The following THOC5 variants were observed in gnomAD, a reference collection of about 807,000 sequenced individuals.
THOC5 encodes Fms-interacting protein.
Under a neutral mutation model 92.9 loss-of-function variants are expected in THOC5, and 43 were observed. The observed-to-expected ratio is 0.46, with a 90% CI of 0.36 to 0.60. THOC5 has a LOEUF of 0.60. Among genes scored for constraint, THOC5 ranks in the 20% least tolerant of loss-of-function variants. The pLI is 0.00. For missense variants in THOC5, 659 were observed against 849.4 expected, an observed-to-expected ratio of 0.78 and a Z score of 2.79; for synonymous variants, 296 against 320.1, an observed-to-expected ratio of 0.92 and a Z score of 0.80.
chr22:29,536,369 C>G, intron 7 of THOC5: 1 of 448,544 alleles, frequency 2.2e-6, no homozygotes, highest in Non-Finnish European at 4.0e-6. Context: ...TTTACACAGT[C>G]TGAGAAAGTA....
In THOC5 at chr22:29,525,727, A is replaced by G. The variant is rs962444626; in HGVS notation, c.1175+111T>C. 14 of 740,556 alleles carry G rather than the reference A, an allele frequency of 1.9e-5. No individual in the cohort carries two copies. In the African/African-American group the frequency reaches 2.3e-4, roughly 12 times the overall value. The allele number at this position is 740,556 out of a possible 1,614,324, so 45.9% of individuals were successfully genotyped here. ...CCATCTGGATACAAGACAAGTCAACACAGCCGTAGCCCTCTCCAGAGCCAG... is the reference window on the plus strand; with the variant it reads ...CCATCTGGATACAAGACAAGTCAACGCAGCCGTAGCCCTCTCCAGAGCCAG... On this transcript the variant is annotated intron_variant, in intron 12 of 19. Coordinates refer to ENST00000490103, the MANE Select transcript of THOC5 (RefSeq NM_003678.5).
At chr22:29,527,450 A>G (rs1368980717) in intron 11 of THOC5, among the ~76,000 whole-genome samples, 1 of 151,856 alleles carries the variant, frequency 6.6e-6, no homozygotes, top group Non-Finnish European at 1.5e-5. Context: ...AACAACCAGC[A>G]AAAAGAAAAC....
chr22:29,545,963 G>A (rs370020166), intron 2 of THOC5, among the ~76,000 whole-genome samples: 6 of 152,238 alleles, frequency 3.9e-5, no homozygotes, highest in East Asian at 1.9e-4. Context: ...CTCCATGAGC[G>A]CGCCAGCAGC....
At chr22:29,512,193 T>C (rs1248334558) in intron 17 of THOC5, 57 bp from the exon 18 acceptor site, 8 of 1,443,006 alleles carry the variant, frequency 5.5e-6, no homozygotes, top group African/African-American at 1.4e-5. Context: ...TTGCCAGCCA[T>C]GGCAGCCTCC....
intron 17 of THOC5, among the ~76,000 whole-genome samples, chr22:29,514,261 T>A (rs1247496524): frequency 6.6e-6 from 1 of 152,034 alleles, no homozygotes; most frequent in East Asian, 1.9e-4. Flanking sequence ...CACCAATTTT[T>A]AAATTCACAC....
rs1023574838 is a variant in THOC5 at position 29,506,761 on chromosome 22, G to A, written c.*1696C>T. 1 of 152,186 alleles carries A rather than the reference G, an allele frequency of 6.6e-6. No homozygotes were observed. The highest frequency in any genetic ancestry group is 2.4e-5 in the African/African-American group (1 of 41,426). The allele number at this position is 152,186 out of a possible 1,614,324, so 9.4% of individuals were successfully genotyped here. A position where few individuals can be genotyped will look rare whatever the true frequency, so the allele number is the denominator to read the frequency against. On this transcript the variant is annotated 3_prime_UTR_variant, in exon 20 of 20. Coordinates refer to ENST00000490103, the MANE Select transcript of THOC5 (RefSeq NM_003678.5). ...TGATTGATTCTCCAACACCACTCTC[G>A]CCATCTCCATGAAATCCTGTAAGAC... is the stretch of plus-strand genomic sequence containing the variant.
chr22:29,522,166 C>T (rs576202555), intron 12 of THOC5, among the ~76,000 whole-genome samples: 421 of 147,516 alleles, frequency 2.9e-3, no homozygotes, highest in African/African-American at 0.01. Context: ...CTGGCTAACA[C>T]GGTGAAACCC....
At chr22:29,516,121 C>T (rs1228657704) in intron 17 of THOC5, among the ~76,000 whole-genome samples, 4 of 137,166 alleles carry the variant, frequency 2.9e-5, no homozygotes, top group African/African-American at 5.6e-5. Flanking sequence ...CCAGCCTGGG[C>T]GACAAAGCAA....
chr22:29,527,955 G>C, intron 11 of THOC5, 123 bp downstream of exon 11: 1 of 827,142 alleles, frequency 1.2e-6, no homozygotes, highest in Non-Finnish European at 1.9e-6. Flanking sequence ...GAAAAACAAA[G>C]CAATATGAAA....
intron 19 of THOC5, among the ~76,000 whole-genome samples, chr22:29,509,582 G>C (rs2063185286): frequency 6.6e-6 from 1 of 152,238 alleles, no homozygotes; most frequent in South Asian, 2.1e-4. Context: ...TGCTGGGACT[G>C]CTTCTAGGGG....
rs1331980162 is a variant in THOC5, at chr22:29,520,520, G to T, written c.1278-416C>A. On this transcript the variant is annotated intron_variant, in intron 13 of 19. Transcript: ENST00000490103. ...CTTTTTGTTTTTGTTTTGAGACAGG[G>T]TCTGGCTCTGTTGCCCCCAGGCTGG... 5.9e-5 allele frequency among the ~76,000 whole-genome samples: 9 copies of T among 152,158 alleles called. No homozygotes were observed. In the South Asian group the frequency reaches 1.9e-3, roughly 32 times the overall value.
At chr22:29,542,763 C>CAA (rs370064947) in intron 5 of THOC5, 96 bp downstream of exon 5, 492 of 645,396 alleles carry the variant, frequency 7.6e-4, no homozygotes, top group Middle Eastern at 1.1e-3. Context: ...GACTCCGTCT[C>CAA]AAAAAAAAAA....
intron 19 of THOC5, among the ~76,000 whole-genome samples, chr22:29,510,291 C>A (rs777069977): frequency 5.1e-4 from 78 of 152,142 alleles, no homozygotes; most frequent in Admixed American, 1.7e-3. Context: ...ATTACTTTCA[C>A]CATTTCTGTC....
At position 29,525,829 on chromosome 22, in the gene THOC5, G is replaced by A; in HGVS notation, c.1175+9C>T. 1 of 1,611,062 alleles carries A rather than the reference G, an allele frequency of 6.2e-7. No individual in the cohort carries two copies. Among genetic ancestry groups the A allele is most frequent in the Non-Finnish European group, 8.5e-7 (1 of 1,177,714 alleles). On this transcript the variant is annotated intron_variant, in intron 12 of 19. Transcript: ENST00000490103. The stretch of plus-strand genomic sequence containing the variant: ...CCGCACGTCATTGCCCAGAGCGCCT[G>A]CTCAATACCCTGCACTGATGGGGGT...
In THOC5 at chr22:29,521,096, G is replaced by T; in HGVS notation, c.1179C>A (p.Asp393Glu). Residue 393 changes from aspartate (D) to glutamate (E), a missense_variant, in exon 13 of 20, where the codon GAC (aspartate) becomes GAA (glutamate). By Grantham distance (45) the Asp-to-Glu change is conservative. Transcript: ENST00000490103. ...TCAGGACTGAGTCAGGAGACAGCAA[G>T]TCACTAGAAAAGGAAAAACAGTAAG... ...MELITPISAG[D>E]LLSPDSVLSC... 1 of 1,612,426 alleles carries T rather than the reference G, an allele frequency of 6.2e-7. No homozygotes were observed. Among genetic ancestry groups the T allele is most frequent in the Middle Eastern group, 1.7e-4 (1 of 6,058 alleles).
chr22:29,526,203 T>C lies in THOC5; in HGVS notation c.1067-257A>G, dbSNP rs867921360. Among the ~76,000 whole-genome samples, 11 of 152,256 alleles carry C rather than the reference T, an allele frequency of 7.2e-5. No individual in the cohort carries two copies. In the South Asian group the frequency reaches 2.1e-3, roughly 29 times the overall value. The stretch of plus-strand genomic sequence containing the variant: ...TAACAAAAAAAGAAAAACAGAATTA[T>C]AGAAAAATTCAGAGACTTTTACAAT... On this transcript the variant is annotated intron_variant, in intron 11 of 19. Coordinates refer to ENST00000490103, the MANE Select transcript of THOC5 (RefSeq NM_003678.5).
At position 29,507,128 on chromosome 22, in the gene THOC5, T is replaced by C. The variant is rs6006177; in HGVS notation, c.*1329A>G. 12,322 of 151,968 alleles carry C rather than the reference T, an allele frequency of 0.081. 710 individuals carry two copies. Among genetic ancestry groups the C allele is most frequent in the African/African-American group, 0.15 (6,404 of 41,412 alleles). The allele number at this position is 151,968 out of a possible 1,614,324, so 9.4% of individuals were successfully genotyped here. ...TCAAGGGATCCTCCCGCCTTAGCTT[T>C]CCAAAGTACTAGGATTACAGTCATG... On this transcript the variant is annotated 3_prime_UTR_variant, in exon 20 of 20. Coordinates refer to ENST00000490103, the MANE Select transcript of THOC5 (RefSeq NM_003678.5).
At chr22:29,544,718 G>C in intron 2 of THOC5, 115 bp from the exon 3 acceptor site, 3 of 1,079,644 alleles carry the variant, frequency 2.8e-6, no homozygotes, top group Non-Finnish European at 3.9e-6. Context: ...TGAAGCCTCA[G>C]TCAGGTCTCT....
intron 1 of THOC5, among the ~76,000 whole-genome samples, chr22:29,549,456 C>T (rs1456312414): frequency 6.6e-6 from 1 of 152,178 alleles, no homozygotes; most frequent in Non-Finnish European, 1.5e-5. Context: ...ATAGAGGAGA[C>T]CTGCATTCAA....
Sources: gnomAD v4.1 joint callset for allele counts (sites outside exome capture counted in the v4.1 genomes callset) on GRCh38, gnomAD v4.1.1 for gene constraint, MANE v1.5 for transcripts, NCBI Gene and HGNC (gene_info 2026-07-23, HGNC 2026-07-21) for gene names.